HTR6: variants seen among roughly 807,000 people sequenced by gnomAD.
HTR6 encodes 5-hydroxytryptamine receptor 6, also known as 5-hydroxytryptamine (serotonin) receptor 6, G protein-coupled.
Under a neutral mutation model 17.4 loss-of-function variants are expected in HTR6, and 15 were observed. That is an observed-to-expected ratio of 0.86 (90% CI 0.58 to 1.33). The LOEUF is 1.33. HTR6 is among the 40% of genes most tolerant of loss of function. The pLI is 0.00. For missense variants in HTR6, 578 were observed against 616.0 expected (o/e 0.94, Z 0.65); for synonymous variants, 326 against 295.5 (o/e 1.10, Z -1.06).
In HTR6 at chr1:19,678,925, T is replaced by C; in HGVS notation, c.880T>C (p.Cys294Arg). 1 of 1,600,412 alleles carries C rather than the reference T, an allele frequency of 6.2e-7. No individual in the cohort carries two copies. Among genetic ancestry groups the C allele is most frequent in the Non-Finnish European group, 8.5e-7 (1 of 1,169,994 alleles). ...FFVANIVQAV[C>R]DCISPGLFDV... ...ATGCATCCCCTCCCCCCAGGCCGTGTGCGACTGCATCTCCCCAGGCCTCTT... is the reference window on the plus strand; with the variant it reads ...ATGCATCCCCTCCCCCCAGGCCGTGCGCGACTGCATCTCCCCAGGCCTCTT... The change falls in exon 3 of 3, where the codon TGC (cysteine) becomes CGC (arginine). Residue 294 changes from cysteine to arginine, a missense_variant. Cys to Arg is a radical substitution (Grantham distance 180). Transcript: ENST00000289753.
At chr1:19,671,275 C>T (rs1463635123) in intron 1 of HTR6, among the ~76,000 whole-genome samples, 4 of 152,152 alleles carry the variant, frequency 2.6e-5, no homozygotes, top group Non-Finnish European at 5.9e-5. Context: ...AGGCCAGCGC[C>T]TTACTTCTAA....
At chr1:19,667,016 GCTTCCCA>G (rs1171676556) in intron 1 of HTR6, among the ~76,000 whole-genome samples, 1 of 152,000 alleles carries the variant, frequency 6.6e-6, no homozygotes, top group East Asian at 1.9e-4. Flanking sequence ...GACTCTTCAG[GCTTCCCA>G]CCGTGCTCCA....
chr1:19,665,744 C>G lies in HTR6; in HGVS notation c.-10C>G, dbSNP rs553644433. The G allele has an allele frequency of 7.5e-6, 11 of 1,468,718 alleles. No homozygotes were observed. The East Asian group carries it at 2.3e-4, about 30-fold the overall frequency. The allele number at this position is 1,468,718 out of a possible 1,614,324, so 91.0% of individuals were successfully genotyped here. On this transcript the variant is annotated 5_prime_UTR_variant, in exon 1 of 3. Coordinates refer to ENST00000289753, the MANE Select transcript of HTR6 (RefSeq NM_000871.3). This position sits in a 1 kb window ranked among gnomAD's most constrained non-coding sequence, Gnocchi z 4.2. The stretch of plus-strand genomic sequence containing the variant: ...CCCTATCACTCCCTTGCCGTCCACC[C>G]TCGGTCCTCATGGTCCCAGAGCCGG...
rs772052173 is a variant in HTR6 at position 19,666,020 on chromosome 1, CG to C, written c.270del (p.Arg91AlafsTer17). On this transcript the variant is annotated frameshift_variant, in exon 1 of 3. Coordinates refer to ENST00000289753, the MANE Select transcript of HTR6 (RefSeq NM_000871.3). LOFTEE classifies it high-confidence loss of function. This position sits in a 1 kb window ranked among gnomAD's most constrained non-coding sequence, Gnocchi z 4.5. The stretch of plus-strand genomic sequence containing the variant: ...CGCCGGCCATGCTGAACGCGCTGTA[CG>C]GGCGCTGGGTGCTGGCGCGCGGCCT... ...MPPAMLNALY[G>X]RWVLARGLCL... 4 of 1,613,596 alleles carry C rather than the reference CG, an allele frequency of 2.5e-6. No individual in the cohort carries two copies.
rs866311551 is a variant in HTR6 at position 19,665,785 on chromosome 1, G to A, written c.32G>A (p.Ser11Asn). 1.3e-5 allele frequency: 19 copies of A among 1,503,196 alleles called. No homozygotes were observed. In the African/African-American group the frequency reaches 2.2e-4, roughly 17 times the overall value. 93.1% of individuals were successfully genotyped at this position (1,503,196 alleles called of 1,614,324 possible). A position where few individuals can be genotyped will look rare whatever the true frequency, so the allele number is the denominator to read the frequency against. MVPEPGPTAN[S>N]TPAWGAGPPS... ...CCAGAGCCGGGCCCAACCGCCAATAGCACCCCGGCCTGGGGGGCAGGGCCG... is the reference window on the plus strand; with the variant it reads ...CCAGAGCCGGGCCCAACCGCCAATAACACCCCGGCCTGGGGGGCAGGGCCG... Residue 11 changes from serine to asparagine, a missense_variant, in exon 1 of 3, where the codon AGC (serine) becomes AAC (asparagine). By Grantham distance (46) the Ser-to-Asn change is conservative. Transcript: ENST00000289753. The surrounding 1 kb of genome is among the most constrained non-coding windows in gnomAD (Gnocchi z 4.2).
chr1:19,678,835 T>G, intron 2 of HTR6, 84 bp from the exon 3 acceptor site: 1 of 1,557,214 alleles, frequency 6.4e-7, no homozygotes, highest in African/African-American at 1.4e-5. Flanking sequence ...GGTGCGTGTG[T>G]GTGTGTGTCT....
At chr1:19,674,926 A>G (rs980051190) in intron 1 of HTR6, among the ~76,000 whole-genome samples, 1 of 152,238 alleles carries the variant, frequency 6.6e-6, no homozygotes, top group African/African-American at 2.4e-5. Flanking sequence ...ACGACAGGAC[A>G]TGGCCCCAAG....
chr1:19,669,610 G>T (rs940802376), intron 1 of HTR6, among the ~76,000 whole-genome samples: 1 of 152,116 alleles, frequency 6.6e-6, no homozygotes, highest in Non-Finnish European at 1.5e-5. Context: ...GTGCCTTCTG[G>T]TCTTCTCTGT....
intron 1 of HTR6, among the ~76,000 whole-genome samples, chr1:19,670,747 A>G (rs531925184): frequency 6.6e-6 from 1 of 152,246 alleles, no homozygotes; most frequent in South Asian, 2.1e-4. Context: ...TACAGGCGTG[A>G]GCTACCATGC....
chr1:19,679,530 C>T lies in HTR6; in HGVS notation c.*162C>T. The T allele has an allele frequency of 9.9e-7, 1 of 1,010,982 alleles. No individual in the cohort carries two copies. The highest frequency in any genetic ancestry group is 1.4e-6 in the Non-Finnish European group (1 of 716,840). 62.6% of individuals were successfully genotyped at this position (1,010,982 alleles called of 1,614,324 possible). On this transcript the variant is annotated 3_prime_UTR_variant, in exon 3 of 3. Coordinates refer to ENST00000289753, the MANE Select transcript of HTR6 (RefSeq NM_000871.3). This position sits in a 1 kb window ranked among gnomAD's most constrained non-coding sequence, Gnocchi z 4.9. Reference sequence around the variant, plus strand: ...CTGACCCCCTGCTGCCATCTCCAGGCCCCTTACCTGCAGGGATCATAGCTG... The same window carrying T: ...CTGACCCCCTGCTGCCATCTCCAGGTCCCTTACCTGCAGGGATCATAGCTG...
chr1:19,671,143 A>T (rs2095087519), intron 1 of HTR6, among the ~76,000 whole-genome samples: 1 of 152,160 alleles, frequency 6.6e-6, no homozygotes, highest in Non-Finnish European at 1.5e-5. Flanking sequence ...AGCTTATAGG[A>T]GGGATGCTTC....
At chr1:19,670,160 C>G (rs1017270377) in intron 1 of HTR6, among the ~76,000 whole-genome samples, 20 of 152,036 alleles carry the variant, frequency 1.3e-4, no homozygotes, top group Non-Finnish European at 2.4e-4. Flanking sequence ...ACACACCAAG[C>G]CCATTCTGCC....
chr1:19,677,651 T>C (rs957629366), intron 1 of HTR6, among the ~76,000 whole-genome samples: 6 of 152,236 alleles, frequency 3.9e-5, no homozygotes, highest in Admixed American at 6.5e-5. Flanking sequence ...TGCTCCCAAA[T>C]GTGAAGACAA....
Position 19,666,048 on chromosome 1 carries a change from T to C in HTR6, c.295T>C (p.Cys99Arg), listed in dbSNP as rs2095081193. 2 of 1,613,440 alleles carry C rather than the reference T, an allele frequency of 1.2e-6. No individual in the cohort carries two copies. The highest frequency in any genetic ancestry group is 1.7e-6 in the Non-Finnish European group (2 of 1,179,796). ...YGRWVLARGL[C>R]LLWTAFDVMC... Reference sequence around the variant, plus strand: ...GCGCTGGGTGCTGGCGCGCGGCCTCTGCCTGCTCTGGACCGCCTTCGACGT... The same window carrying C: ...GCGCTGGGTGCTGGCGCGCGGCCTCCGCCTGCTCTGGACCGCCTTCGACGT... The change falls in exon 1 of 3, where the codon TGC (cysteine) becomes CGC (arginine). Residue 99 changes from cysteine to arginine, a missense_variant. By Grantham distance (180) the Cys-to-Arg change is radical (BLOSUM62 -3). Coordinates refer to ENST00000289753, the MANE Select transcript of HTR6 (RefSeq NM_000871.3). The surrounding 1 kb of genome is among the most constrained non-coding windows in gnomAD (Gnocchi z 4.5).
rs762026142 is a variant in HTR6 at position 19,678,893 on chromosome 1, AG to A, written c.874-24del. ...TGGCCTGGGTCCCTGCCCTGGGACCAGGCATGATGCATCCCCTCCCCCCAGG... is the reference window on the plus strand; with the variant it reads ...TGGCCTGGGTCCCTGCCCTGGGACCAGCATGATGCATCCCCTCCCCCCAGG... On this transcript the variant is annotated intron_variant, in intron 2 of 2. Transcript: ENST00000289753. 57 of 1,571,444 alleles carry A rather than the reference AG, an allele frequency of 3.6e-5. No homozygotes were observed. In the Middle Eastern group the frequency reaches 3.4e-3, roughly 94 times the overall value.
Position 19,665,544 on chromosome 1 carries a change from A to G in HTR6, c.-210A>G, listed in dbSNP as rs2095080227. 1 of 451,860 alleles carries G rather than the reference A, an allele frequency of 2.2e-6. No individual in the cohort carries two copies. Among genetic ancestry groups the G allele is most frequent in the East Asian group, 3.6e-5 (1 of 28,066 alleles). 28.0% of individuals were successfully genotyped at this position (451,860 alleles called of 1,614,324 possible). ...CTGCCCCATCCCCGAGGGCGCCCAA[A>G]TAGCCACACTGTGTCCTCCTGTAGT... On this transcript the variant is annotated 5_prime_UTR_variant, in exon 1 of 3. Coordinates refer to ENST00000289753, the MANE Select transcript of HTR6 (RefSeq NM_000871.3). This position sits in a 1 kb window ranked among gnomAD's most constrained non-coding sequence, Gnocchi z 4.2.
Position 19,679,066 on chromosome 1 carries a change from C to G in HTR6, c.1021C>G (p.Pro341Ala). The G allele has an allele frequency of 6.2e-7, 1 of 1,614,026 alleles. No homozygotes were observed. Among genetic ancestry groups the G allele is most frequent in the Non-Finnish European group, 8.5e-7 (1 of 1,179,946 alleles). ...LGRFLPCPRC[P>A]RERQASLASP... ...CAGGTTCCTGCCATGTCCACGCTGT[C>G]CCCGGGAGCGCCAGGCCAGCCTGGC... The change falls in exon 3 of 3, where the codon CCC becomes GCC. Residue 341 changes from proline to alanine, a missense_variant. Transcript: ENST00000289753. This position sits in a 1 kb window ranked among gnomAD's most constrained non-coding sequence, Gnocchi z 4.9.
chr1:19,680,199 G>A lies in HTR6; in HGVS notation c.*831G>A, dbSNP rs543468766. Among the ~76,000 whole-genome samples the A allele has an allele frequency of 9.7e-4, 147 of 152,326 alleles. No individual in the cohort carries two copies. The highest frequency in any genetic ancestry group is 1.8e-3 in the Non-Finnish European group (122 of 68,026). Reference sequence around the variant, plus strand: ...AATGTGTGCCCAGCACCCAGTACACGGTCAGTTAATTGGTACGTTCTGTTG... The same window carrying A: ...AATGTGTGCCCAGCACCCAGTACACAGTCAGTTAATTGGTACGTTCTGTTG... On this transcript the variant is annotated 3_prime_UTR_variant, in exon 3 of 3. Transcript: ENST00000289753.
Position 19,679,708 on chromosome 1 carries a change from G to T in HTR6, c.*340G>T. 1 of 299,688 alleles carries T rather than the reference G, an allele frequency of 3.3e-6. No individual in the cohort carries two copies. The highest frequency in any genetic ancestry group is 6.2e-6 in the Non-Finnish European group (1 of 162,040). 18.6% of individuals were successfully genotyped at this position (299,688 alleles called of 1,614,324 possible). On this transcript the variant is annotated 3_prime_UTR_variant, in exon 3 of 3. Coordinates refer to ENST00000289753, the MANE Select transcript of HTR6 (RefSeq NM_000871.3). This position sits in a 1 kb window ranked among gnomAD's most constrained non-coding sequence, Gnocchi z 4.9. ...TGACCTTTGCCCATTCTGTCAGGCT[G>T]GACGGGAGGGAATGCCCCCACCTGC...
Sources: allele counts gnomAD v4.1 joint callset (sites outside exome capture counted in the v4.1 genomes callset), GRCh38; gene constraint gnomAD v4.1.1; non-coding constraint Gnocchi (gnomAD v3.1); transcripts MANE v1.5; gene names NCBI Gene and HGNC (gene_info 2026-07-23, HGNC 2026-07-21).